The following AXIN1 variants were observed in gnomAD, a reference collection of about 807,000 sequenced individuals.
The protein encoded by AXIN1 is axin-1.
Under a neutral mutation model 76.4 loss-of-function variants are expected in AXIN1, and 30 were observed. That is an observed-to-expected ratio of 0.39 (90% CI 0.29 to 0.53). The LOEUF (loss-of-function observed/expected upper bound fraction) is 0.53, where lower values mean the gene tolerates loss of function less well. AXIN1 is among the 20% of genes least tolerant of loss of function. AXIN1 has a pLI of 0.66. For missense variants in AXIN1, 1,140 were observed against 1,198.8 expected (o/e 0.95, Z 0.72); for synonymous variants, 545 against 501.4 (o/e 1.09, Z -1.16).
intron 2 of AXIN1, among the ~76,000 whole-genome samples, chr16:315,232 CTCT>C (rs1275220871): frequency 1.3e-5 from 2 of 152,248 alleles, no homozygotes; most frequent in Non-Finnish European, 2.9e-5. Context: ...GATTCACCTC[CTCT>C]TGTTACTGCA....
At position 298,170 on chromosome 16, in the gene AXIN1, G is replaced by A. The variant is rs2052769424; in HGVS notation, c.1336C>T (p.His446Tyr). Reference protein sequence around the residue: ...HKLPPAPAWHHFPPRCVDMGC... With the variant: ...HKLPPAPAWHYFPPRCVDMGC... ...ATGTCCACACAGCGGGGCGGGAAGT[G>A]GTGCCAAGCGGGGGCGGGAGGCAGC... Residue 446 changes from histidine to tyrosine, a missense_variant, in exon 6 of 11, where the codon CAC (histidine) becomes TAC (tyrosine). His to Tyr is a moderately conservative substitution (Grantham distance 83). Transcript: ENST00000262320. 6.5e-7 allele frequency: 1 copy of A among 1,542,908 alleles called. No homozygotes were observed. The highest frequency in any genetic ancestry group is 8.7e-7 in the Non-Finnish European group (1 of 1,147,458).
chr16:332,254 G>T (rs1442498139), intron 2 of AXIN1, among the ~76,000 whole-genome samples: 1 of 152,180 alleles, frequency 6.6e-6, no homozygotes, highest in African/African-American at 2.4e-5. Context: ...CACAAGTAAA[G>T]CATATTTAAC....
intron 1 of AXIN1, among the ~76,000 whole-genome samples, chr16:351,696 C>T (rs1021344051): frequency 3.9e-5 from 6 of 152,132 alleles, no homozygotes; most frequent in East Asian, 1.9e-4. Context: ...CGCTTGAGGC[C>T]AAGAATTCAA....
At chr16:294,755 C>CA (rs1015576394) in intron 7 of AXIN1, among the ~76,000 whole-genome samples, 7,898 of 24,302 alleles carry the variant, frequency 0.32, 1,645 homozygotes, top group Non-Finnish European at 0.4. Flanking sequence ...AACCCCATCT[C>CA]AAAAAAAAAA....
intron 7 of AXIN1, among the ~76,000 whole-genome samples, chr16:294,945 T>C (rs1471800008): frequency 1.3e-5 from 2 of 148,488 alleles, no homozygotes; most frequent in Non-Finnish European, 3.0e-5. Flanking sequence ...GCGCCTGCAG[T>C]CCCAGCTGCT....
chr16:344,444 A>AT lies in AXIN1; in HGVS notation c.878+1703_878+1704insA, dbSNP rs1172955313. Among the ~76,000 whole-genome samples the AT allele has an allele frequency of 2.8e-4, 42 of 150,614 alleles. 1 individual carries two copies. Among genetic ancestry groups the AT allele is most frequent in the East Asian group, 1.2e-3 (6 of 5,136 alleles). On this transcript the variant is annotated intron_variant, in intron 2 of 10. Coordinates refer to ENST00000262320, the MANE Select transcript of AXIN1 (RefSeq NM_003502.4). Reference sequence around the variant, plus strand: ...GACTCCATCTCAAAAAAAAAAAAAAAATTAACCAATTAACCTACACAATCC... The same window carrying AT: ...GACTCCATCTCAAAAAAAAAAAAAAATATTAACCAATTAACCTACACAATCC...
intron 2 of AXIN1, among the ~76,000 whole-genome samples, chr16:341,668 C>T (rs1597114192): frequency 6.7e-6 from 1 of 149,862 alleles, no homozygotes; most frequent in East Asian, 1.9e-4. Flanking sequence ...CACCTGCAAC[C>T]CCGGTGCGGG....
rs540952016 is a variant in AXIN1 at position 296,209 on chromosome 16, T to C, written c.1955+847A>G. ...AGCACCGATGGGGACCCCAAGGCCT[T>C]GCGGGACAGGCTTCCAACACAGGCA... On this transcript the variant is annotated intron_variant, in intron 7 of 10. Coordinates refer to ENST00000262320, the MANE Select transcript of AXIN1 (RefSeq NM_003502.4). 6.6e-5 allele frequency among the ~76,000 whole-genome samples: 10 copies of C among 152,356 alleles called. No homozygotes were observed. In the South Asian group the frequency reaches 1.2e-3, roughly 19 times the overall value.
At chr16:321,195 G>A (rs1321840659) in intron 2 of AXIN1, among the ~76,000 whole-genome samples, 2 of 140,624 alleles carry the variant, frequency 1.4e-5, no homozygotes. Flanking sequence ...GATGCTCTGG[G>A]CCCGCTGCTC....
intron 5 of AXIN1, chr16:298,925 C>A (rs752302597): frequency 3.8e-6 from 1 of 262,556 alleles, no homozygotes; most frequent in East Asian, 1.8e-4. Flanking sequence ...TGCGCCACCA[C>A]ACCCAGCTAA....
chr16:298,633 G>C (rs763156818), intron 5 of AXIN1, among the ~76,000 whole-genome samples: 1 of 152,112 alleles, frequency 6.6e-6, no homozygotes, highest in African/African-American at 2.4e-5. Context: ...TCAGCCTCCA[G>C]AATAGCGGAG....
rs765982081 is a variant in AXIN1, at chr16:298,031, C to T, written c.1475G>A (p.Arg492His). Residue 492 changes from arginine (R) to histidine (H), a missense_variant, in exon 6 of 11, where the codon CGC becomes CAC. Physicochemically the swap from Arg to His is conservative, Grantham distance 29. This residue lies in a region of AXIN1 where 708 missense variants were observed against 776.9 expected (regional missense o/e 0.91). Coordinates refer to ENST00000262320, the MANE Select transcript of AXIN1 (RefSeq NM_003502.4). ...GGCCACGTGCCCACTGTCCGGGGAG[C>T]GATGGCCAGGCCCAGGCGACTGGCG... ...PGRQSPGPGH[R>H]SPDSGHVAKM... 11 of 1,591,592 alleles carry T rather than the reference C, an allele frequency of 6.9e-6. No individual in the cohort carries two copies. The highest frequency in any genetic ancestry group is 5.4e-5 in the African/African-American group (4 of 74,632).
chr16:320,743 A>ATATTT (rs397722732), intron 2 of AXIN1, among the ~76,000 whole-genome samples: 203 of 107,602 alleles, frequency 1.9e-3, no homozygotes, highest in African/African-American at 3.1e-3. Flanking sequence ...ATATATATAT[A>ATATTT]TTTTTTTTTT....
At chr16:313,583 C>G (rs2053232314) in intron 3 of AXIN1, among the ~76,000 whole-genome samples, 1 of 152,176 alleles carries the variant, frequency 6.6e-6, no homozygotes, top group Admixed American at 6.5e-5. Context: ...GCAGGGAGAC[C>G]CTGGTTCCTG....
At chr16:289,905 T>TGGCAGGGCAGGC in intron 9 of AXIN1, 1 of 524,286 alleles carries the variant, frequency 1.9e-6, no homozygotes, top group Non-Finnish European at 3.5e-6. Flanking sequence ...ACCTCTAGGA[T>TGGCAGGGCAGGC]GGCAGGGCAG....
intron 9 of AXIN1, chr16:290,028 G>A (rs544126093): frequency 4.4e-5 from 12 of 272,812 alleles, no homozygotes; most frequent in South Asian, 1.2e-4. Context: ...GCCTGACCCC[G>A]CAGCGAAGTT....
intron 10 of AXIN1, 103 bp from the exon 11 acceptor site, chr16:288,351 C>T (rs191117453): frequency 6.5e-7 from 1 of 1,548,804 alleles, no homozygotes; most frequent in Non-Finnish European, 8.9e-7. Context: ...CGAGGAGCCT[C>T]CTGTCCATGC....
chr16:289,693 AGGCG>A (rs1246518394), intron 9 of AXIN1, 86 bp from the exon 10 acceptor site: 84 of 1,552,282 alleles, frequency 5.4e-5, no homozygotes, highest in Non-Finnish European at 8.7e-7. Flanking sequence ...TGCCAGTGTA[AGGCG>A]GGGCAGGCCT....
At chr16:301,476 T>G (rs1320571039) in intron 5 of AXIN1, among the ~76,000 whole-genome samples, 1 of 151,838 alleles carries the variant, frequency 6.6e-6, no homozygotes, top group Non-Finnish European at 1.5e-5. Context: ...TCAGCACCTG[T>G]GGCTACGCCT....
Sources: gnomAD v4.1 joint callset for allele counts (sites outside exome capture counted in the v4.1 genomes callset) on GRCh38, gnomAD v4.1.1 for gene constraint, gnomAD v4.1.1 regional missense constraint, MANE v1.5 for transcripts, NCBI Gene and HGNC (gene_info 2026-07-23, HGNC 2026-07-21) for gene names.